Variants in BABAM2 observed in about 807,000 individuals in gnomAD.
BABAM2 encodes BRISC and BRCA1 A complex member 2.
BABAM2 carries 31 observed loss-of-function variants against 54.7 expected under a neutral mutation model. The ratio of observed to expected loss-of-function variants is 0.57; its 90% confidence interval spans 0.43 to 0.77. The LOEUF (loss-of-function observed/expected upper bound fraction) is 0.77. Ranked by LOEUF, BABAM2 falls within the 30% of genes least tolerant of loss-of-function variation. The pLI is 0.00. For synonymous variants in BABAM2, 167 were observed against 162.9 expected, an observed-to-expected ratio of 1.03 and a Z score of -0.19; for missense variants, 364 against 455.8, an observed-to-expected ratio of 0.80 and a Z score of 1.83.
chr2:28,088,209 A>G (rs2148685857), intron 6 of BABAM2, among the ~76,000 whole-genome samples: 1 of 152,308 alleles, frequency 6.6e-6, no homozygotes, highest in Non-Finnish European at 1.5e-5. Flanking sequence ...TTCTACAGTA[A>G]AAAGTGTTTA....
intron 7 of BABAM2, chr2:28,233,183 C>T (rs748228486): frequency 4.0e-5 from 19 of 471,526 alleles, no homozygotes; most frequent in East Asian, 7.0e-5. Context: ...CCTTCTCACC[C>T]GCTTCCTCCC....
At chr2:28,252,452 A>G (rs1379429508) in intron 10 of BABAM2, among the ~76,000 whole-genome samples, 6 of 152,148 alleles carry the variant, frequency 3.9e-5, no homozygotes, top group Admixed American at 3.9e-4. Context: ...TCATCTTTTG[A>G]TTATACACAC....
At chr2:28,027,405 T>C (rs1675953067) in intron 5 of BABAM2, among the ~76,000 whole-genome samples, 1 of 152,194 alleles carries the variant, frequency 6.6e-6, no homozygotes, top group South Asian at 2.1e-4. Context: ...ACCACCACCA[T>C]TATCCAGTTT....
At chr2:28,314,481 C>A (rs999624220) in intron 11 of BABAM2, among the ~76,000 whole-genome samples, 6 of 152,202 alleles carry the variant, frequency 3.9e-5, no homozygotes, top group African/African-American at 1.4e-4. Context: ...ACTGCAGGGT[C>A]TAGGCTGTTT....
intron 10 of BABAM2, among the ~76,000 whole-genome samples, chr2:28,249,096 T>C (rs1683184782): frequency 6.6e-6 from 1 of 151,284 alleles, no homozygotes. Flanking sequence ...TGTTTTTTTT[T>C]TTTTTTTTGG....
chr2:28,042,779 G>A (rs1394776069), intron 5 of BABAM2, among the ~76,000 whole-genome samples: 3 of 152,098 alleles, frequency 2.0e-5, no homozygotes, highest in Non-Finnish European at 2.9e-5. Flanking sequence ...TAAAAATGAT[G>A]TTTATAAGGC....
intron 3 of BABAM2, among the ~76,000 whole-genome samples, chr2:27,933,925 TC>T (rs1291528497): frequency 1.3e-5 from 2 of 152,166 alleles, no homozygotes; most frequent in African/African-American, 4.8e-5. Flanking sequence ...AATACAGTTA[TC>T]CCTCAATATC....
intron 10 of BABAM2, among the ~76,000 whole-genome samples, chr2:28,260,780 A>G (rs1034737469): frequency 6.6e-6 from 1 of 152,146 alleles, no homozygotes; most frequent in South Asian, 2.1e-4. Context: ...TTTCCCTTTC[A>G]TGAACATGGT....
rs777057924 is a variant in BABAM2, at chr2:27,929,945, T to TTA, written c.205+38_205+39dup. 5.8e-6 allele frequency: 9 copies of TTA among 1,564,088 alleles called. No individual in the cohort carries two copies. The Admixed American group carries it at 1.5e-4, about 26-fold the overall frequency. ...ATGACTATTTTACTCAAAATGTAGG[T>TTA]TACAGTGTCAGCTATTGGACTTTGT... is the stretch of plus-strand genomic sequence containing the variant. On this transcript the variant is annotated intron_variant, in intron 3 of 11. Transcript: ENST00000379624.
At chr2:28,195,646 T>C (rs1321661008) in intron 7 of BABAM2, among the ~76,000 whole-genome samples, 2 of 152,212 alleles carry the variant, frequency 1.3e-5, no homozygotes, top group East Asian at 3.8e-4. Context: ...TGTCTATTTT[T>C]ATCGTAGATA....
chr2:28,209,926 T>C (rs7600066), intron 7 of BABAM2, among the ~76,000 whole-genome samples: 114,378 of 152,062 alleles, frequency 0.75, 44,044 homozygotes, highest in East Asian at 0.99. Context: ...TAGAGAGAAA[T>C]CTAAAAGAAA....
Position 28,325,219 on chromosome 2 carries a change from TC to T in BABAM2, c.1089-13228del, listed in dbSNP as rs1348926947. 6.6e-6 allele frequency among the ~76,000 whole-genome samples: 1 copy of T among 152,158 alleles called. No individual in the cohort carries two copies. Among genetic ancestry groups the T allele is most frequent in the Non-Finnish European group, 1.5e-5 (1 of 68,034 alleles). ...GTTGCATATATGCCCTTCCTTTCCT[TC>T]CCTCCCTCCCTTTCTGTAACGGAAG... On this transcript the variant is annotated intron_variant, in intron 11 of 11. Transcript: ENST00000379624. The surrounding 1 kb of genome is among the most constrained non-coding windows in gnomAD (Gnocchi z 4.3).
chr2:27,929,942 A>G (rs752935077), intron 3 of BABAM2, 34 bp downstream of exon 3: 15 of 1,570,110 alleles, frequency 9.6e-6, no homozygotes, highest in Admixed American at 1.7e-5. Flanking sequence ...CTCAAAATGT[A>G]GGTTACAGTG....
At chr2:28,192,713 G>C (rs1253633026) in intron 7 of BABAM2, among the ~76,000 whole-genome samples, 1 of 151,164 alleles carries the variant, frequency 6.6e-6, no homozygotes, top group Non-Finnish European at 1.5e-5. Context: ...TAGTAGAGAT[G>C]GGGTTTCACC....
intron 2 of BABAM2, among the ~76,000 whole-genome samples, chr2:27,926,979 A>G (rs541521507): frequency 2.0e-5 from 3 of 152,250 alleles, no homozygotes; most frequent in South Asian, 4.1e-4. Flanking sequence ...ATTTGAAACT[A>G]TTTATTATTG....
At chr2:27,978,631 T>C (rs1249469896) in intron 3 of BABAM2, among the ~76,000 whole-genome samples, 1 of 152,158 alleles carries the variant, frequency 6.6e-6, no homozygotes, top group African/African-American at 2.4e-5. Flanking sequence ...ACCTTTTTCT[T>C]TTTTTCTTTT....
At chr2:28,174,778 G>A (rs1007367339) in intron 7 of BABAM2, among the ~76,000 whole-genome samples, 7 of 152,114 alleles carry the variant, frequency 4.6e-5, no homozygotes, top group African/African-American at 7.2e-5. Context: ...CAGCTGTAGC[G>A]TGGTACGATT....
chr2:27,927,029 G>A (rs1369781130), intron 2 of BABAM2, among the ~76,000 whole-genome samples: 1 of 152,136 alleles, frequency 6.6e-6, no homozygotes, highest in Non-Finnish European at 1.5e-5. Flanking sequence ...ACACCAGAAT[G>A]TATTCCTCTT....
At chr2:28,140,998 A>G (rs1671000542) in intron 7 of BABAM2, among the ~76,000 whole-genome samples, 1 of 152,082 alleles carries the variant, frequency 6.6e-6, no homozygotes, top group Non-Finnish European at 1.5e-5. Context: ...GTATCCTCAC[A>G]CAGTAGAGTG....
Sources: gnomAD v4.1 joint callset for allele counts (sites outside exome capture counted in the v4.1 genomes callset) on GRCh38, gnomAD v4.1.1 for gene constraint, Gnocchi (gnomAD v3.1) non-coding constraint, MANE v1.5 for transcripts, NCBI Gene and HGNC (gene_info 2026-07-23, HGNC 2026-07-21) for gene names.